Variants in LOC400499 observed in about 807,000 individuals in gnomAD.
the LOC400499 span, chr16:11,461,153 C>A: frequency 6.6e-7 from 1 of 1,511,446 alleles, no homozygotes; most frequent in Non-Finnish European, 8.8e-7. Flanking sequence ...ATGAGAGGGT[C>A]AGCCCCCAGG....
the LOC400499 span, among the ~76,000 whole-genome samples, chr16:11,511,274 G>A: frequency 6.6e-6 from 1 of 152,170 alleles, no homozygotes; most frequent in Non-Finnish European, 1.5e-5. Flanking sequence ...TGGGATTACA[G>A]GCTTGAGCCA....
chr16:11,395,573 T>C, the LOC400499 span, among the ~76,000 whole-genome samples: 1 of 152,144 alleles, frequency 6.6e-6, no homozygotes, highest in Admixed American at 6.5e-5. Flanking sequence ...AACCCAGAAA[T>C]GCCATCCTCA....
the LOC400499 span, among the ~76,000 whole-genome samples, chr16:11,487,779 T>A: frequency 1.3e-5 from 2 of 152,174 alleles, no homozygotes; most frequent in Non-Finnish European, 2.9e-5. Context: ...CTTCTCACAA[T>A]TCACAGCCCT....
At chr16:11,464,087 AATGT>A in the LOC400499 span, among the ~76,000 whole-genome samples, 1 of 152,212 alleles carries the variant, frequency 6.6e-6, no homozygotes, top group Non-Finnish European at 1.5e-5. Flanking sequence ...TGTATATACG[AATGT>A]ATGTACAGCT....
At chr16:11,459,830 T>C in the LOC400499 span, 4 of 1,248,228 alleles carry the variant, frequency 3.2e-6, no homozygotes, top group Admixed American at 1.2e-4. Flanking sequence ...CATGTGGGGG[T>C]TCCCCAGCTC....
chr16:11,439,347 TAAGC>T, the LOC400499 span: 3 of 395,720 alleles, frequency 7.6e-6, no homozygotes, highest in East Asian at 1.1e-4. Flanking sequence ...GCTGTTTGGC[TAAGC>T]ACAACATTGC....
chr16:11,485,473 C>T, the LOC400499 span, among the ~76,000 whole-genome samples: 3 of 152,066 alleles, frequency 2.0e-5, no homozygotes, highest in East Asian at 3.9e-4. Context: ...GGCACCTGCA[C>T]GACCTCCCCT....
At chr16:11,379,985 TCTCA>T in the LOC400499 span, among the ~76,000 whole-genome samples, 1 of 152,104 alleles carries the variant, frequency 6.6e-6, no homozygotes, top group East Asian at 1.9e-4. Context: ...AGAGACAGGG[TCTCA>T]CTCTGTCACC....
chr16:11,517,318 T>G, the LOC400499 span, among the ~76,000 whole-genome samples: 2 of 152,192 alleles, frequency 1.3e-5, no homozygotes, highest in Admixed American at 6.5e-5. Context: ...GAGCCTTCAC[T>G]CTTTCATTCC....
At chr16:11,392,090 C>T in the LOC400499 span, 4 of 399,238 alleles carry the variant, frequency 1.0e-5, no homozygotes, top group South Asian at 3.8e-4. Context: ...GAGCCAACTG[C>T]TGCAATCCTG....
the LOC400499 span, among the ~76,000 whole-genome samples, chr16:11,445,691 G>A: frequency 3.3e-5 from 5 of 152,206 alleles, no homozygotes; most frequent in Non-Finnish European, 5.9e-5. Context: ...GACAGGACTG[G>A]GGCTTTATCC....
chr16:11,459,977 C>G, the LOC400499 span: 1 of 1,516,956 alleles, frequency 6.6e-7, no homozygotes, highest in East Asian at 2.5e-5. Flanking sequence ...TGTTGCTGTT[C>G]TTGTCCCAGT....
chr16:11,500,511 A>AAATAATAATAATAAT, the LOC400499 span, among the ~76,000 whole-genome samples: 6,873 of 143,824 alleles, frequency 0.048, 216 homozygotes, highest in Middle Eastern at 0.092. Flanking sequence ...ACTCCGTCCT[A>AAATAATAATAATAAT]AATAATAATA....
the LOC400499 span, chr16:11,457,246 G>C: frequency 1.8e-6 from 1 of 545,688 alleles, no homozygotes; most frequent in African/African-American, 1.9e-5. Flanking sequence ...CGCTGATGGT[G>C]GGAATGTGAA....
chr16:11,426,730 A>C, the LOC400499 span, among the ~76,000 whole-genome samples: 6 of 151,322 alleles, frequency 4.0e-5, no homozygotes, highest in Admixed American at 4.0e-4. Context: ...GGCATTCCAG[A>C]CCAGCCTGGG....
the LOC400499 span, chr16:11,446,731 G>T: frequency 2.6e-6 from 4 of 1,534,500 alleles, no homozygotes; most frequent in African/African-American, 2.7e-5. Context: ...TCCGGGCTAT[G>T]CCCCAGACAC....
At chr16:11,436,385 T>C in the LOC400499 span, among the ~76,000 whole-genome samples, 6 of 151,802 alleles carry the variant, frequency 4.0e-5, no homozygotes, top group South Asian at 1.2e-3. Flanking sequence ...ATGTAGCTAG[T>C]CCCAACAAGG....
the LOC400499 span, chr16:11,502,275 G>A: frequency 7.6e-6 from 3 of 397,132 alleles, no homozygotes; most frequent in Non-Finnish European, 1.3e-5. Flanking sequence ...ACAACCGTGG[G>A]GAAAGTGGGA....
chr16:11,514,754 G>T, the LOC400499 span, among the ~76,000 whole-genome samples: 2 of 152,160 alleles, frequency 1.3e-5, no homozygotes, highest in Admixed American at 6.5e-5. Flanking sequence ...CCAGGCAAAG[G>T]CACACCGGAG....
Sources: gnomAD v4.1 joint callset for allele counts (sites outside exome capture counted in the v4.1 genomes callset) on GRCh38, gnomAD v4.1.1 for gene constraint, MANE v1.5 for transcripts.